XPO1: variants seen among roughly 807,000 people sequenced by gnomAD.
XPO1 encodes the protein exportin 1, also known as exportin-1.
Under a neutral mutation model 133.3 loss-of-function variants are expected in XPO1, and 5 were observed. That is an observed-to-expected ratio of 0.04 (90% CI 0.02 to 0.08). XPO1 has a LOEUF of 0.08. Among genes scored for constraint, XPO1 ranks in the 10% least tolerant of loss-of-function variants. The pLI is 1.00. For missense variants in XPO1, 506 were observed against 1,267.5 expected, an observed-to-expected ratio of 0.40 and a Z score of 9.12; for synonymous variants, 419 against 408.2, an observed-to-expected ratio of 1.03 and a Z score of -0.32.
chr2:61,479,463 A>C (rs925410339), intron 24 of XPO1, among the ~76,000 whole-genome samples: 1 of 151,592 alleles, frequency 6.6e-6, no homozygotes, highest in African/African-American at 2.4e-5. Context: ...CCCAAAAAAA[A>C]CAAAAAAAAT....
At chr2:61,483,693 G>T in intron 21 of XPO1, 1 of 417,836 alleles carries the variant, frequency 2.4e-6, no homozygotes, top group Non-Finnish European at 4.3e-6. Flanking sequence ...CTACCCAGTA[G>T]AACTTTGTAT....
chr2:61,517,253 A>G (rs1298050205), intron 4 of XPO1, among the ~76,000 whole-genome samples: 1 of 152,184 alleles, frequency 6.6e-6, no homozygotes, highest in East Asian at 1.9e-4. Context: ...TGACTCTGAT[A>G]AAGAATCAAC....
At chr2:61,514,921 T>C (rs1368433194) in intron 4 of XPO1, among the ~76,000 whole-genome samples, 2 of 151,720 alleles carry the variant, frequency 1.3e-5, no homozygotes, top group African/African-American at 4.8e-5. Flanking sequence ...AAACAAAAAT[T>C]ATGCTGGTGT....
At chr2:61,494,831 A>ATAG (rs1553406229) in intron 11 of XPO1, 1 of 147,912 alleles carries the variant, frequency 6.8e-6, no homozygotes, top group Non-Finnish European at 1.5e-5. Flanking sequence ...TATATATATA[A>ATAG]AGAGAGAGAG....
chr2:61,526,706 ATTT>A (rs34463563), intron 2 of XPO1, among the ~76,000 whole-genome samples, 185 bp from the exon 3 acceptor site: 13 of 134,950 alleles, frequency 9.6e-5, no homozygotes, highest in South Asian at 4.8e-4. Flanking sequence ...ATGACTCCCA[ATTT>A]TTTTTTTTTT....
At chr2:61,535,247 T>C (rs1267687231) in intron 1 of XPO1, among the ~76,000 whole-genome samples, 4 of 152,198 alleles carry the variant, frequency 2.6e-5, no homozygotes, top group Non-Finnish European at 5.9e-5. Context: ...CTTAACCTTT[T>C]TGGGGGTCTA....
At chr2:61,505,184 C>T (rs902867649) in intron 4 of XPO1, among the ~76,000 whole-genome samples, 159 of 152,024 alleles carry the variant, frequency 1.0e-3, no homozygotes, top group African/African-American at 3.7e-3. Context: ...CTGATTTTTC[C>T]TGGTCTCATT....
intron 3 of XPO1, among the ~76,000 whole-genome samples, chr2:61,524,161 A>C (rs376530474): frequency 1.8e-4 from 27 of 152,296 alleles, no homozygotes; most frequent in African/African-American, 6.5e-4. Context: ...TCAGATTGTC[A>C]AGACTCAGTA....
At chr2:61,519,157 G>A (rs1698560259) in intron 4 of XPO1, among the ~76,000 whole-genome samples, 1 of 152,024 alleles carries the variant, frequency 6.6e-6, no homozygotes, top group Non-Finnish European at 1.5e-5. Context: ...CTCCATGTTG[G>A]TAAGACTGGT....
chr2:61,479,949 C>G (rs1333031452), intron 24 of XPO1, among the ~76,000 whole-genome samples: 3 of 152,172 alleles, frequency 2.0e-5, no homozygotes, highest in Non-Finnish European at 2.9e-5. Context: ...ACTGAAACCT[C>G]TGCCTCCTGG....
At chr2:61,525,123 C>G (rs1698861446) in intron 3 of XPO1, 1 of 251,902 alleles carries the variant, frequency 4.0e-6, no homozygotes, top group African/African-American at 2.3e-5. Flanking sequence ...AAAATAAATG[C>G]ATGAAATGAT....
chr2:61,531,201 C>T (rs1276546299), intron 2 of XPO1, among the ~76,000 whole-genome samples: 1 of 152,172 alleles, frequency 6.6e-6, no homozygotes, highest in African/African-American at 2.4e-5. Context: ...ACCAAAAGGA[C>T]TCCTTAACCA....
chr2:61,489,976 C>T (rs1352667329), intron 17 of XPO1, among the ~76,000 whole-genome samples: 2 of 150,660 alleles, frequency 1.3e-5, no homozygotes, highest in Non-Finnish European at 3.0e-5. Flanking sequence ...CTGCAAGCTC[C>T]GCCTCCTGGG....
intron 4 of XPO1, among the ~76,000 whole-genome samples, chr2:61,521,309 T>C (rs918586421): frequency 6.6e-6 from 1 of 152,118 alleles, no homozygotes; most frequent in African/African-American, 2.4e-5. Context: ...ACCATAATGA[T>C]GATAAGAGAA....
intron 4 of XPO1, among the ~76,000 whole-genome samples, chr2:61,509,990 T>C (rs968085500): frequency 6.6e-6 from 1 of 152,138 alleles, no homozygotes; most frequent in African/African-American, 2.4e-5. Flanking sequence ...CATGAAAACA[T>C]CAAAATTGGC....
At chr2:61,526,689 T>C (rs538268322) in intron 2 of XPO1, among the ~76,000 whole-genome samples, 168 bp from the exon 3 acceptor site, 2 of 150,154 alleles carry the variant, frequency 1.3e-5, no homozygotes, top group East Asian at 2.0e-4. Context: ...AATAAAATTA[T>C]ATAAATATGA....
At position 61,498,768 on chromosome 2, in the gene XPO1, C is replaced by T; in HGVS notation, c.664G>A (p.Val222Ile). The change falls in exon 9 of 25, where the codon GTA becomes ATA. Residue 222 changes from valine (V) to isoleucine (I), a missense_variant. Val to Ile is a conservative substitution (Grantham distance 29, BLOSUM62 3). This residue lies in a region of XPO1 where 134 missense variants were observed against 261.6 expected (regional missense o/e 0.51). Coordinates refer to ENST00000401558, the MANE Select transcript of XPO1 (RefSeq NM_003400.4). ...VMENSQNAPLVHATLETLLRF... is the reference protein window; with the variant it reads ...VMENSQNAPLIHATLETLLRF... The stretch of plus-strand genomic sequence containing the variant: ...AGCAATGTTTCCAAGGTTGCATGTA[C>T]AAGTGGAGCATTTTGAGAATTTTCC... The T allele has an allele frequency of 6.2e-7, 1 of 1,613,972 alleles. No homozygotes were observed. The highest frequency in any genetic ancestry group is 8.5e-7 in the Non-Finnish European group (1 of 1,179,966).
rs1422047208 is a variant in XPO1 at position 61,498,657 on chromosome 2, A to G, written c.759+16T>C. On this transcript the variant is annotated intron_variant, in intron 9 of 24. Transcript: ENST00000401558. The stretch of plus-strand genomic sequence containing the variant: ...TGGCTATCCGGTGACAAATAACTGA[A>G]ATGTATTCACTGTACCTTATAAATC... 6.2e-7 allele frequency: 1 copy of G among 1,611,260 alleles called. No homozygotes were observed. Among genetic ancestry groups the G allele is most frequent in the Non-Finnish European group, 8.5e-7 (1 of 1,178,994 alleles).
chr2:61,499,253 A>G (rs1266539279), intron 7 of XPO1, among the ~76,000 whole-genome samples: 1 of 152,214 alleles, frequency 6.6e-6, no homozygotes, highest in Non-Finnish European at 1.5e-5. Context: ...AGCAGAGACA[A>G]TAACTGATTT....
Sources: allele counts gnomAD v4.1 joint callset (sites outside exome capture counted in the v4.1 genomes callset), GRCh38; gene constraint gnomAD v4.1.1; regional missense constraint gnomAD v4.1.1; transcripts MANE v1.5; gene names NCBI Gene and HGNC (gene_info 2026-07-23, HGNC 2026-07-21).